The following TDRD3 variants were observed in gnomAD, a reference collection of about 807,000 sequenced individuals.
The protein encoded by TDRD3 is tudor domain containing 3.
In TDRD3, 45 loss-of-function variants were observed where a neutral mutation model predicts 86.7. That is an observed-to-expected ratio of 0.52 (90% CI 0.41 to 0.67). TDRD3 has a LOEUF of 0.67. TDRD3 is among the 30% of genes least tolerant of loss of function. The probability of loss-of-function intolerance (pLI) is 0.00; values close to 1 mark genes in which losing one functional copy is unlikely to be tolerated. For missense variants in TDRD3, 814 were observed against 889.0 expected (o/e 0.92, Z 1.07); for synonymous variants, 298 against 301.7 (o/e 0.99, Z 0.13).
intron 11 of TDRD3, among the ~76,000 whole-genome samples, chr13:60,534,900 C>G (rs1232816266): frequency 6.8e-6 from 1 of 147,478 alleles, no homozygotes; most frequent in Non-Finnish European, 1.5e-5. Flanking sequence ...TGCACTCCAG[C>G]CTGGGCGACA....
intron 5 of TDRD3, among the ~76,000 whole-genome samples, chr13:60,482,275 T>C (rs1470812705): frequency 6.6e-6 from 1 of 152,208 alleles, no homozygotes; most frequent in Non-Finnish European, 1.5e-5. Context: ...CTCAGCTCCC[T>C]ATGACCTCTG....
rs185770156 is a variant in TDRD3 at position 60,522,757 on chromosome 13, C to T, written c.1142-5610C>T. On this transcript the variant is annotated intron_variant, in intron 10 of 13. Coordinates refer to ENST00000377881, the MANE Select transcript of TDRD3 (RefSeq NM_001146070.2). ...TAGGTCAGGATTCTGGCAGTCCTAG[C>T]GTCCAAATGTATTTTTCAGCCCCAT... 4.6e-5 allele frequency among the ~76,000 whole-genome samples: 7 copies of T among 152,316 alleles called. No homozygotes were observed. The East Asian group carries it at 5.8e-4, about 13-fold the overall frequency.
chr13:60,536,400 T>C (rs1037015764), intron 12 of TDRD3: 1 of 152,118 alleles, frequency 6.6e-6, no homozygotes, highest in African/African-American at 2.4e-5. Flanking sequence ...GCCTAAAAAC[T>C]CCAAATCATC....
intron 8 of TDRD3, among the ~76,000 whole-genome samples, chr13:60,501,675 C>T (rs1191339353): frequency 6.6e-6 from 1 of 152,132 alleles, no homozygotes; most frequent in Non-Finnish European, 1.5e-5. Flanking sequence ...TTTATGACTT[C>T]CCCAAACCAT....
chr13:60,544,629 T>C (rs965388484), intron 12 of TDRD3, among the ~76,000 whole-genome samples: 1 of 152,164 alleles, frequency 6.6e-6, no homozygotes, highest in Non-Finnish European at 1.5e-5. Context: ...CTGAAGCCTT[T>C]GAATAGTATA....
intron 5 of TDRD3, among the ~76,000 whole-genome samples, chr13:60,470,448 G>A (rs1202679897): frequency 6.6e-6 from 1 of 151,998 alleles, no homozygotes; most frequent in Non-Finnish European, 1.5e-5. Context: ...TTGCCATACT[G>A]TTTTATATTT....
intron 10 of TDRD3, among the ~76,000 whole-genome samples, chr13:60,520,130 G>A (rs922400268): frequency 6.6e-6 from 1 of 152,072 alleles, no homozygotes; most frequent in Non-Finnish European, 1.5e-5. Flanking sequence ...TTTATTTTGA[G>A]CTTAGTCTTC....
intron 10 of TDRD3, among the ~76,000 whole-genome samples, chr13:60,513,274 C>T (rs1957097960): frequency 6.6e-6 from 1 of 152,184 alleles, no homozygotes; most frequent in African/African-American, 2.4e-5. Context: ...CATGGGGACC[C>T]TGGGCCCAGC....
chr13:60,509,649 A>G (rs541198195), intron 8 of TDRD3, 114 bp from the exon 9 acceptor site: 1 of 1,299,636 alleles, frequency 7.7e-7, no homozygotes, highest in South Asian at 1.4e-5. Flanking sequence ...TTAGAATGAC[A>G]TTTTTACATA....
intron 10 of TDRD3, among the ~76,000 whole-genome samples, chr13:60,522,171 T>A (rs1957303167): frequency 6.6e-6 from 1 of 152,166 alleles, no homozygotes; most frequent in African/African-American, 2.4e-5. Flanking sequence ...AGAGTATGAT[T>A]TTGATTTTCT....
intron 8 of TDRD3, among the ~76,000 whole-genome samples, chr13:60,495,172 G>T (rs1956686500): frequency 1.3e-5 from 2 of 152,160 alleles, no homozygotes; most frequent in Admixed American, 6.5e-5. Flanking sequence ...AACCATGGAG[G>T]TTTATTATTT....
At chr13:60,469,723 A>G (rs1436802941) in intron 5 of TDRD3, among the ~76,000 whole-genome samples, 3 of 152,292 alleles carry the variant, frequency 2.0e-5, no homozygotes, top group East Asian at 3.9e-4. Context: ...CCATAAAGCT[A>G]ATGTTGGAAG....
chr13:60,488,330 A>C (rs940708856), intron 7 of TDRD3, among the ~76,000 whole-genome samples: 20 of 152,304 alleles, frequency 1.3e-4, no homozygotes, highest in African/African-American at 4.6e-4. Flanking sequence ...ACTTTTTGAA[A>C]GGCCTGAGTG....
At position 60,397,253 on chromosome 13, in the gene TDRD3, G is replaced by T. The variant is rs975962763; in HGVS notation, c.-112G>T. 1.0e-5 allele frequency: 6 copies of T among 591,510 alleles called. No homozygotes were observed. Among genetic ancestry groups the T allele is most frequent in the African/African-American group, 9.8e-5 (5 of 51,124 alleles). The allele number at this position is 591,510 out of a possible 1,614,324, so 36.6% of individuals were successfully genotyped here. The stretch of plus-strand genomic sequence containing the variant: ...TGCCCAGTTGCAGAGCCGACCAGAG[G>T]AGTTTTTTCTTTTCTTTTCTTTTTT... On this transcript the variant is annotated 5_prime_UTR_variant, in exon 1 of 14. Coordinates refer to ENST00000377881, the MANE Select transcript of TDRD3 (RefSeq NM_001146070.2).
intron 1 of TDRD3, among the ~76,000 whole-genome samples, chr13:60,431,765 A>C (rs1466232367): frequency 6.6e-6 from 1 of 151,612 alleles, no homozygotes; most frequent in African/African-American, 2.4e-5. Flanking sequence ...AGAAATCATA[A>C]AAACTAAAAA....
intron 13 of TDRD3, among the ~76,000 whole-genome samples, chr13:60,571,508 AAACAC>A (rs1396711004): frequency 6.6e-6 from 1 of 152,206 alleles, no homozygotes; most frequent in Non-Finnish European, 1.5e-5. Context: ...AGGTAGTGAA[AAACAC>A]TTAAGGTGCT....
At chr13:60,442,837 A>G (rs1159615638) in intron 2 of TDRD3, among the ~76,000 whole-genome samples, 1 of 151,958 alleles carries the variant, frequency 6.6e-6, no homozygotes, top group Non-Finnish European at 1.5e-5. Context: ...AGATCATATG[A>G]TTCTTTAATT....
intron 8 of TDRD3, among the ~76,000 whole-genome samples, chr13:60,507,568 C>T (rs1002792125): frequency 3.9e-5 from 6 of 152,282 alleles, no homozygotes; most frequent in Middle Eastern, 3.4e-3. Flanking sequence ...GGAAACTGAA[C>T]AACCTTCTCC....
At chr13:60,559,160 G>T (rs17793283) in intron 12 of TDRD3, among the ~76,000 whole-genome samples, 17,758 of 152,072 alleles carry the variant, frequency 0.12, 1,354 homozygotes, top group South Asian at 0.26. Context: ...CTGCCTATTT[G>T]TGAAGCTCTT....
Sources: allele counts gnomAD v4.1 joint callset (sites outside exome capture counted in the v4.1 genomes callset), GRCh38; gene constraint gnomAD v4.1.1; transcripts MANE v1.5; gene names NCBI Gene and HGNC (gene_info 2026-07-23, HGNC 2026-07-21).